Variants in EPB41L5 observed in about 807,000 individuals in gnomAD.
EPB41L5 encodes the protein erythrocyte membrane protein band 4.1 like 5.
A neutral mutation model predicts 106.6 loss-of-function variants in EPB41L5; 55 were observed. That is an observed-to-expected ratio of 0.52 (90% confidence interval 0.42 to 0.65). EPB41L5 has a LOEUF of 0.65. Ranked by LOEUF, EPB41L5 falls within the 30% of genes least tolerant of loss-of-function variation. EPB41L5 has a pLI of 0.00. For missense variants in EPB41L5, 871 were observed against 882.1 expected (o/e 0.99, Z 0.16); for synonymous variants, 297 against 306.7 (o/e 0.97, Z 0.33).
intron 17 of EPB41L5, among the ~76,000 whole-genome samples, chr2:120,130,521 CAAAAAGAG>C (rs934308627): frequency 6.6e-5 from 10 of 152,202 alleles, no homozygotes; most frequent in Admixed American, 6.5e-4. Flanking sequence ...TTAACAACAA[CAAAAAGAG>C]TATTCAGGAT....
At chr2:120,146,624 C>T (rs1301523757) in intron 20 of EPB41L5, among the ~76,000 whole-genome samples, 1 of 152,144 alleles carries the variant, frequency 6.6e-6, no homozygotes, top group African/African-American at 2.4e-5. Flanking sequence ...ATCACAATGG[C>T]CTTGTTCTTA....
chr2:120,035,535 G>C (rs1558812168), intron 2 of EPB41L5, among the ~76,000 whole-genome samples: 1 of 152,178 alleles, frequency 6.6e-6, no homozygotes, highest in Non-Finnish European at 1.5e-5. Context: ...CAACTTCAGT[G>C]ATAGAGTGCC....
intron 16 of EPB41L5, among the ~76,000 whole-genome samples, chr2:120,101,839 C>T (rs1175813535): frequency 3.9e-5 from 6 of 152,072 alleles, no homozygotes; most frequent in African/African-American, 1.2e-4. Flanking sequence ...GATTGAGTTC[C>T]CTTCTCCCCT....
chr2:120,052,618 G>A (rs748290217), intron 3 of EPB41L5, among the ~76,000 whole-genome samples: 1 of 152,098 alleles, frequency 6.6e-6, no homozygotes, highest in African/African-American at 2.4e-5. Context: ...CCCACGTATG[G>A]TCAATGGGAG....
intron 20 of EPB41L5, among the ~76,000 whole-genome samples, chr2:120,149,980 A>C (rs1382010593): frequency 6.7e-6 from 1 of 149,442 alleles, no homozygotes; most frequent in African/African-American, 2.5e-5. Flanking sequence ...TTGCAGCCTC[A>C]AACTTAGGCT....
chr2:120,174,648 A>G (rs1373139848), intron 24 of EPB41L5, among the ~76,000 whole-genome samples, 193 bp from the exon 25 acceptor site: 1 of 152,226 alleles, frequency 6.6e-6, no homozygotes, highest in African/African-American at 2.4e-5. Context: ...TTTCAAAATG[A>G]AATAAGCAGT....
At chr2:120,100,551 TTAAC>T in intron 15 of EPB41L5, 144 bp from the exon 16 acceptor site, 2 of 672,892 alleles carry the variant, frequency 3.0e-6, no homozygotes, top group Non-Finnish European at 2.6e-6. Context: ...ATTTCATTCA[TTAAC>T]TATCTCTAAG....
At chr2:120,083,877 T>C (rs1456174893) in intron 10 of EPB41L5, among the ~76,000 whole-genome samples, 1 of 152,216 alleles carries the variant, frequency 6.6e-6, no homozygotes, top group Non-Finnish European at 1.5e-5. Flanking sequence ...TCTCTTTTGA[T>C]CTTTGTTGGT....
chr2:120,063,857 G>A (rs907121867), intron 3 of EPB41L5, among the ~76,000 whole-genome samples: 10 of 152,142 alleles, frequency 6.6e-5, no homozygotes, highest in Middle Eastern at 6.8e-3. Context: ...CAGGAGAATC[G>A]CTTGAACCCG....
chr2:120,161,057 A>G, intron 21 of EPB41L5, 83 bp downstream of exon 21: 4 of 938,084 alleles, frequency 4.3e-6, no homozygotes, highest in Non-Finnish European at 6.9e-6. Flanking sequence ...GCATCTAGTG[A>G]TTACTGAGTG....
intron 7 of EPB41L5, among the ~76,000 whole-genome samples, chr2:120,076,725 G>A (rs1470626044): frequency 1.3e-5 from 2 of 151,964 alleles, no homozygotes; most frequent in African/African-American, 4.8e-5. Context: ...CAAAGGTTAA[G>A]TAAGCACTGA....
At chr2:120,043,045 G>A (rs1168214803) in intron 3 of EPB41L5, among the ~76,000 whole-genome samples, 1 of 119,402 alleles carries the variant, frequency 8.4e-6, no homozygotes, top group African/African-American at 3.1e-5. Flanking sequence ...GTGTGTGTGT[G>A]TGTTTAGAGG....
At chr2:120,109,788 G>T (rs1002879690) in intron 16 of EPB41L5, among the ~76,000 whole-genome samples, 1 of 152,130 alleles carries the variant, frequency 6.6e-6, no homozygotes, top group African/African-American at 2.4e-5. Context: ...AAAACTGTTT[G>T]CTTTGTAAGA....
intron 5 of EPB41L5, 140 bp from the exon 6 acceptor site, chr2:120,075,336 A>G (rs1191758871): frequency 2.9e-6 from 2 of 683,476 alleles, no homozygotes; most frequent in African/African-American, 3.7e-5. Flanking sequence ...TATTTCATGT[A>G]TCCCCAAACT....
chr2:120,100,466 G>A (rs1363088660), intron 15 of EPB41L5, among the ~76,000 whole-genome samples, 180 bp downstream of exon 15: 2 of 152,056 alleles, frequency 1.3e-5, no homozygotes, highest in African/African-American at 2.4e-5. Flanking sequence ...CTAAGATTTT[G>A]TAAAGGAAAC....
At chr2:120,100,174 T>C in intron 14 of EPB41L5, 70 bp from the exon 15 acceptor site, 1 of 1,137,080 alleles carries the variant, frequency 8.8e-7, no homozygotes, top group Non-Finnish European at 1.3e-6. Flanking sequence ...TTAGTGTATG[T>C]GTTATCTTAC....
chr2:120,142,978 T>C (rs766049774), intron 18 of EPB41L5, 25 bp from the exon 19 acceptor site: 1 of 1,598,950 alleles, frequency 6.3e-7, no homozygotes, highest in Non-Finnish European at 8.6e-7. Context: ...CAGAGTTGAT[T>C]ATAGTATATT....
Position 120,076,848 on chromosome 2 carries a change from G to C in EPB41L5, c.506-123G>C, listed in dbSNP as rs113475123. The stretch of plus-strand genomic sequence containing the variant: ...GATTTACTTTTGGAGACTTGTCTGA[G>C]TATTATGAATTTTTGTAAGAAATTC... On this transcript the variant is annotated intron_variant, in intron 7 of 24. Coordinates refer to ENST00000263713, the MANE Select transcript of EPB41L5 (RefSeq NM_020909.4). The C allele has an allele frequency of 2.2e-5, 19 of 847,636 alleles. No individual in the cohort carries two copies. In the African/African-American group the frequency reaches 2.6e-4, roughly 11 times the overall value. The allele number at this position is 847,636 out of a possible 1,614,324, so 52.5% of individuals were successfully genotyped here.
intron 1 of EPB41L5, among the ~76,000 whole-genome samples, chr2:120,018,427 G>A (rs1185910845): frequency 6.6e-6 from 1 of 151,952 alleles, no homozygotes; most frequent in African/African-American, 2.4e-5. Context: ...AAAATGGTCC[G>A]GTAAATTTAG....
Sources: gnomAD v4.1 joint callset for allele counts (sites outside exome capture counted in the v4.1 genomes callset) on GRCh38, gnomAD v4.1.1 for gene constraint, MANE v1.5 for transcripts, NCBI Gene and HGNC (gene_info 2026-07-23, HGNC 2026-07-21) for gene names.